The following TLE1 variants were observed in gnomAD, a reference collection of about 807,000 sequenced individuals.
TLE1 encodes transducin-like enhancer protein 1.
In TLE1, 21 loss-of-function variants were observed where a neutral mutation model predicts 89.8. The observed-to-expected ratio is 0.23, with a 90% CI of 0.17 to 0.34. The LOEUF is 0.34. Ranked by LOEUF, TLE1 falls within the 10% of genes least tolerant of loss-of-function variation. The probability of loss-of-function intolerance (pLI) is 1.00; values close to 1 mark genes in which losing one functional copy is unlikely to be tolerated. For synonymous variants in TLE1, 447 were observed against 407.6 expected (o/e 1.10, Z -1.16); for missense variants, 795 against 1,031.2 (o/e 0.77, Z 3.14).
intron 15 of TLE1, among the ~76,000 whole-genome samples, chr9:81,591,927 C>G (rs752917424): frequency 9.2e-5 from 14 of 152,210 alleles, no homozygotes; most frequent in Non-Finnish European, 2.1e-4. Flanking sequence ...ATTTTCCAGG[C>G]AGGCAGTGGG....
chr9:81,614,249 A>G (rs1824118469), intron 11 of TLE1, among the ~76,000 whole-genome samples: 1 of 152,258 alleles, frequency 6.6e-6, no homozygotes, highest in Non-Finnish European at 1.5e-5. Flanking sequence ...TAGCCCTGGG[A>G]TTGAGACAAA....
At chr9:81,675,946 G>A (rs1004578081) in intron 4 of TLE1, among the ~76,000 whole-genome samples, 10 of 151,954 alleles carry the variant, frequency 6.6e-5, no homozygotes, top group Non-Finnish European at 8.8e-5. Flanking sequence ...TGATCCGCCC[G>A]CCTCAGCCTC....
chr9:81,607,300 CATG>C (rs1009170715), intron 14 of TLE1, among the ~76,000 whole-genome samples: 2 of 151,698 alleles, frequency 1.3e-5, no homozygotes, highest in Non-Finnish European at 2.9e-5. Flanking sequence ...CTTTAATAAG[CATG>C]ATATTACTTC....
intron 6 of TLE1, among the ~76,000 whole-genome samples, chr9:81,646,227 T>C (rs1331009786): frequency 6.6e-6 from 1 of 152,220 alleles, no homozygotes; most frequent in Non-Finnish European, 1.5e-5. Context: ...ATCCGGACAC[T>C]GAGGAAAAGT....
rs1588057462 is a variant in TLE1 at position 81,634,153 on chromosome 9, T to G, written c.521A>C (p.Gln174Pro). Residue 174 changes from glutamine to proline, a missense_variant, in exon 7 of 20, where the codon CAG (glutamine) becomes CCG (proline). Transcript: ENST00000376499. ...LLALSSALSG[Q>P]SHLAIKDDKK... Reference sequence around the variant, plus strand: ...GTCATCTTTTATTGCCAAGTGAGACTGCCCACTCAGAGCACTAGACAGCGC... The same window carrying G: ...GTCATCTTTTATTGCCAAGTGAGACGGCCCACTCAGAGCACTAGACAGCGC... 1.2e-6 allele frequency: 2 copies of G among 1,605,718 alleles called. No individual in the cohort carries two copies. The highest frequency in any genetic ancestry group is 1.7e-6 in the Non-Finnish European group (2 of 1,175,338).
chr9:81,585,878 T>C (rs974054126), intron 17 of TLE1, among the ~76,000 whole-genome samples: 3 of 152,100 alleles, frequency 2.0e-5, no homozygotes, highest in African/African-American at 7.2e-5. Context: ...TGGGATAAAA[T>C]TAAGAAATGA....
At chr9:81,589,556 C>T (rs1829170622) in intron 16 of TLE1, among the ~76,000 whole-genome samples, 1 of 152,132 alleles carries the variant, frequency 6.6e-6, no homozygotes, top group Admixed American at 6.5e-5. Context: ...AGAGTACAGA[C>T]GAGAGCAGAA....
At chr9:81,644,857 G>A (rs1356130223) in intron 6 of TLE1, among the ~76,000 whole-genome samples, 1 of 151,642 alleles carries the variant, frequency 6.6e-6, no homozygotes, top group African/African-American at 2.4e-5. Flanking sequence ...AGCCAGGCAT[G>A]GTGGTGTGTG....
chr9:81,651,286 T>C (rs1829496877), intron 6 of TLE1, among the ~76,000 whole-genome samples: 1 of 152,160 alleles, frequency 6.6e-6, no homozygotes, highest in South Asian at 2.1e-4. Flanking sequence ...CAGCTCCTTC[T>C]TTGGCTTAGT....
chr9:81,609,188 G>A lies in TLE1; in HGVS notation c.1331+1032C>T, dbSNP rs572662710. On this transcript the variant is annotated intron_variant, in intron 14 of 19. Coordinates refer to ENST00000376499, the MANE Select transcript of TLE1 (RefSeq NM_005077.5). ...CAACCTCCGCCACCCAGGTTCAAGCGATTCTCTGGTCTCAGCCTCCCGAGT... is the reference window on the plus strand; with the variant it reads ...CAACCTCCGCCACCCAGGTTCAAGCAATTCTCTGGTCTCAGCCTCCCGAGT... Among the ~76,000 whole-genome samples, 20 of 151,876 alleles carry A rather than the reference G, an allele frequency of 1.3e-4. No homozygotes were observed. In the South Asian group the frequency reaches 2.7e-3, roughly 21 times the overall value.
chr9:81,688,316 G>C lies in TLE1; in HGVS notation c.-76C>G. 2 of 1,425,428 alleles carry C rather than the reference G, an allele frequency of 1.4e-6. No homozygotes were observed. Among genetic ancestry groups the C allele is most frequent in the Non-Finnish European group, 1.8e-6 (2 of 1,083,354 alleles). The allele number at this position is 1,425,428 out of a possible 1,614,324, so 88.3% of individuals were successfully genotyped here. On this transcript the variant is annotated 5_prime_UTR_variant, in exon 1 of 20. Transcript: ENST00000376499. Reference sequence around the variant, plus strand: ...CAATTTCCAACTTTAATCCCGCCGAGGAAAATTAAGCCGGAAAGCCAAGCA... The same window carrying C: ...CAATTTCCAACTTTAATCCCGCCGACGAAAATTAAGCCGGAAAGCCAAGCA...
chr9:81,615,136 A>C (rs1331876291), intron 11 of TLE1, among the ~76,000 whole-genome samples: 3 of 137,766 alleles, frequency 2.2e-5, no homozygotes, highest in Admixed American at 7.8e-5. Context: ...AAGAAGAAGA[A>C]GGCAATGAAC....
Position 81,613,456 on chromosome 9 carries a change from C to A in TLE1, c.984G>T (p.Thr328=), listed in dbSNP as rs746513420. ...STPTPRSDMP[T]PGTSATPGLR... ...GGCCTGGAGTGGCGCTGGTGCCCGGCGTTGGCATGTCGCTCCGAGGCGTTG... is the reference window on the plus strand; with the variant it reads ...GGCCTGGAGTGGCGCTGGTGCCCGGAGTTGGCATGTCGCTCCGAGGCGTTG... The change falls in exon 12 of 20, where the codon ACG becomes ACT. Residue 328 remains threonine (T), a synonymous_variant. Coordinates refer to ENST00000376499, the MANE Select transcript of TLE1 (RefSeq NM_005077.5). The A allele has an allele frequency of 2.5e-6, 4 of 1,614,066 alleles. No homozygotes were observed. The South Asian group carries it at 3.3e-5, about 13-fold the overall frequency.
At chr9:81,635,817 C>T (rs2132389426) in intron 6 of TLE1, among the ~76,000 whole-genome samples, 1 of 152,282 alleles carries the variant, frequency 6.6e-6, no homozygotes, top group Non-Finnish European at 1.5e-5. Context: ...AAATCAGTGT[C>T]TGTGGAAATT....
At chr9:81,613,298 C>G (rs561749349) in intron 12 of TLE1, 79 bp downstream of exon 12, 2 of 1,552,206 alleles carry the variant, frequency 1.3e-6, no homozygotes, top group East Asian at 2.3e-5. Flanking sequence ...AGGGCAATTG[C>G]GTCACAACAT....
chr9:81,663,846 G>A (rs908581850), intron 4 of TLE1, among the ~76,000 whole-genome samples: 5 of 151,746 alleles, frequency 3.3e-5, no homozygotes, highest in African/African-American at 1.2e-4. Context: ...GGATGGTCTC[G>A]ATCTTCTGAC....
chr9:81,623,232 T>A (rs975580955), intron 8 of TLE1, among the ~76,000 whole-genome samples: 1 of 152,132 alleles, frequency 6.6e-6, no homozygotes, highest in Non-Finnish European at 1.5e-5. Context: ...TTTCTCCTCG[T>A]GCACTCCCTA....
chr9:81,654,243 T>C (rs1314838989), intron 4 of TLE1, among the ~76,000 whole-genome samples: 1 of 152,232 alleles, frequency 6.6e-6, no homozygotes, highest in African/African-American at 2.4e-5. Context: ...AACTGCACAC[T>C]TCATTGTAAT....
chr9:81,613,906 C>CTTTT (rs761514885), intron 11 of TLE1, among the ~76,000 whole-genome samples: 9 of 89,920 alleles, frequency 1.0e-4, no homozygotes, highest in African/African-American at 1.6e-4. Context: ...CTTTTCTTTT[C>CTTTT]TTTTTTTTTT....
Sources: allele counts gnomAD v4.1 joint callset (sites outside exome capture counted in the v4.1 genomes callset), GRCh38; gene constraint gnomAD v4.1.1; transcripts MANE v1.5; gene names NCBI Gene and HGNC (gene_info 2026-07-23, HGNC 2026-07-21).